RAPGEF5: variants seen among roughly 807,000 people sequenced by gnomAD.
The protein encoded by RAPGEF5 is M-Ras-regulated GEF.
RAPGEF5 carries 65 observed loss-of-function variants against 125.2 expected under a neutral mutation model. The ratio of observed to expected loss-of-function variants is 0.52; its 90% confidence interval spans 0.43 to 0.64. The LOEUF is 0.64. Ranked by LOEUF, RAPGEF5 falls within the 30% of genes least tolerant of loss-of-function variation. The pLI is 0.00. For synonymous variants in RAPGEF5, 391 were observed against 385.9 expected (o/e 1.01, Z -0.16); for missense variants, 958 against 1,048.1 (o/e 0.91, Z 1.19).
At position 22,251,775 on chromosome 7, in the gene RAPGEF5, CAAAAA is replaced by C. The variant is rs58681076; in HGVS notation, c.796+15184_796+15188del. Among the ~76,000 whole-genome samples, 26 of 73,348 alleles carry C rather than the reference CAAAAA, an allele frequency of 3.5e-4. No individual in the cohort carries two copies. In the South Asian group the frequency reaches 0.011, roughly 32 times the overall value. The allele number at this position is 73,348 out of a possible 152,430, so 48.1% of individuals were successfully genotyped here. ...GAGCCCTGCCAGGAAGTTTCATTGA[CAAAAA>C]AAAAAAAAAAAAAAAAAAAGTGGAG... On this transcript the variant is annotated intron_variant, in intron 7 of 25. Coordinates refer to ENST00000665637, the MANE Select transcript of RAPGEF5 (RefSeq NM_012294.5).
chr7:22,154,773 A>T (rs776226214), intron 16 of RAPGEF5, among the ~76,000 whole-genome samples, 169 bp from the exon 17 acceptor site: 2 of 152,190 alleles, frequency 1.3e-5, no homozygotes, highest in Non-Finnish European at 2.9e-5. Context: ...TGAGCACCTG[A>T]GGGTATACGT....
chr7:22,220,404 TAAC>T (rs1349086935), intron 8 of RAPGEF5, among the ~76,000 whole-genome samples: 1 of 152,080 alleles, frequency 6.6e-6, no homozygotes, highest in Non-Finnish European at 1.5e-5. Context: ...GCCCTAAAAA[TAAC>T]AATATGCAAC....
chr7:22,147,113 C>T, intron 18 of RAPGEF5, 94 bp from the exon 19 acceptor site: 1 of 1,449,656 alleles, frequency 6.9e-7, no homozygotes, highest in South Asian at 1.3e-5. Flanking sequence ...CTCAGATTAG[C>T]AAAGTAATCT....
At chr7:22,276,043 G>T (rs999508781) in intron 6 of RAPGEF5, among the ~76,000 whole-genome samples, 5 of 152,130 alleles carry the variant, frequency 3.3e-5, no homozygotes, top group African/African-American at 7.2e-5. Context: ...TTTCTCTGAA[G>T]CCCTAACTGC....
At chr7:22,258,042 A>G (rs1052480958) in intron 7 of RAPGEF5, among the ~76,000 whole-genome samples, 25 of 152,348 alleles carry the variant, frequency 1.6e-4, no homozygotes, top group African/African-American at 5.3e-4. Context: ...TCCATGTGGA[A>G]AATCCAAGAT....
At chr7:22,157,439 C>T (rs1783845088) in intron 15 of RAPGEF5, among the ~76,000 whole-genome samples, 1 of 152,224 alleles carries the variant, frequency 6.6e-6, no homozygotes, top group African/African-American at 2.4e-5. Context: ...ACTGAGAACA[C>T]ATTCCCACTT....
At chr7:22,196,563 C>G (rs576439317) in intron 9 of RAPGEF5, among the ~76,000 whole-genome samples, 1 of 152,196 alleles carries the variant, frequency 6.6e-6, no homozygotes, top group African/African-American at 2.4e-5. Context: ...CTGCTCTTAA[C>G]TGACAAGTTA....
At chr7:22,340,935 T>C (rs889086134) in intron 1 of RAPGEF5, among the ~76,000 whole-genome samples, 11 of 152,222 alleles carry the variant, frequency 7.2e-5, no homozygotes, top group Admixed American at 6.5e-5. Context: ...ACCAAAGGGT[T>C]CATACACTTG....
intron 7 of RAPGEF5, among the ~76,000 whole-genome samples, 163 bp from the exon 8 acceptor site, chr7:22,231,082 G>A (rs1786044657): frequency 1.3e-5 from 2 of 152,186 alleles, no homozygotes; most frequent in East Asian, 3.8e-4. Context: ...TTAGCTAATA[G>A]CACTGGGTAC....
At chr7:22,165,221 T>C (rs1784125065) in intron 12 of RAPGEF5, among the ~76,000 whole-genome samples, 1 of 152,168 alleles carries the variant, frequency 6.6e-6, no homozygotes, top group Non-Finnish European at 1.5e-5. Flanking sequence ...AAAACATATA[T>C]ATCCAAGTTA....
chr7:22,216,418 C>T (rs1340611145), intron 9 of RAPGEF5, among the ~76,000 whole-genome samples: 2 of 152,114 alleles, frequency 1.3e-5, no homozygotes, highest in African/African-American at 4.8e-5. Context: ...TAGGAATCAC[C>T]AGGACTGCAG....
Position 22,154,808 on chromosome 7 carries a change from A to G in RAPGEF5, c.1637-204T>C, listed in dbSNP as rs1783754053. ...TCTATAAATGTGTGCTTGCAAACAC[A>G]TGAAACTCAGATGTTGTAAAGCCAG... On this transcript the variant is annotated intron_variant, in intron 16 of 25. Transcript: ENST00000665637. 2.6e-5 allele frequency among the ~76,000 whole-genome samples: 4 copies of G among 152,338 alleles called. No individual in the cohort carries two copies. In the South Asian group the frequency reaches 8.3e-4, roughly 32 times the overall value.
chr7:22,183,268 CAAAAAAA>C (rs757079018), intron 11 of RAPGEF5, among the ~76,000 whole-genome samples: 50 of 30,954 alleles, frequency 1.6e-3, no homozygotes, highest in South Asian at 2.6e-3. Context: ...GACTCCATCA[CAAAAAAA>C]AAAAAAAAAA....
chr7:22,295,997 C>A (rs978852163), intron 5 of RAPGEF5, among the ~76,000 whole-genome samples: 25 of 151,836 alleles, frequency 1.6e-4, no homozygotes, highest in Middle Eastern at 3.2e-3. Context: ...TAAGAAAAAA[C>A]CAGGCAGGGT....
At chr7:22,135,012 A>C (rs1381160636) in intron 23 of RAPGEF5, among the ~76,000 whole-genome samples, 13 of 152,216 alleles carry the variant, frequency 8.5e-5, no homozygotes, top group Admixed American at 8.5e-4. Flanking sequence ...ATGTACGGCA[A>C]CTCACAATAA....
intron 11 of RAPGEF5, among the ~76,000 whole-genome samples, chr7:22,191,062 C>T (rs1010735479): frequency 5.3e-5 from 8 of 152,122 alleles, no homozygotes; most frequent in Non-Finnish European, 1.0e-4. Flanking sequence ...CCTGCACACC[C>T]GGGCCTTTGA....
chr7:22,198,516 T>G (rs1785204223), intron 9 of RAPGEF5, among the ~76,000 whole-genome samples: 1 of 152,184 alleles, frequency 6.6e-6, no homozygotes, highest in South Asian at 2.1e-4. Context: ...CTTAAGATAA[T>G]ATAAGTATTT....
At chr7:22,283,574 A>G (rs1200007069) in intron 6 of RAPGEF5, among the ~76,000 whole-genome samples, 1 of 152,196 alleles carries the variant, frequency 6.6e-6, no homozygotes, top group African/African-American at 2.4e-5. Flanking sequence ...TGAAACATTC[A>G]TGGATCATCC....
At chr7:22,180,313 C>CAACAA (rs1343129253) in intron 11 of RAPGEF5, among the ~76,000 whole-genome samples, 2 of 152,112 alleles carry the variant, frequency 1.3e-5, no homozygotes, top group Non-Finnish European at 2.9e-5. Context: ...TTTAAAGTCA[C>CAACAA]AACAAAACAA....
Sources: gnomAD v4.1 joint callset for allele counts (sites outside exome capture counted in the v4.1 genomes callset) on GRCh38, gnomAD v4.1.1 for gene constraint, MANE v1.5 for transcripts, NCBI Gene and HGNC (gene_info 2026-07-23, HGNC 2026-07-21) for gene names.